Variants in DOC2A observed in about 807,000 individuals in gnomAD.
DOC2A encodes double C2 domain alpha, also known as double C2-like domain-containing protein alpha.
Under a neutral mutation model 40.6 loss-of-function variants are expected in DOC2A, and 28 were observed. That is an observed-to-expected ratio of 0.69 (90% confidence interval 0.51 to 0.95). DOC2A has a LOEUF of 0.95. Ranked by LOEUF, DOC2A falls within the 40% of genes least tolerant of loss-of-function variation. The pLI is 0.00. For missense variants in DOC2A, 474 were observed against 552.5 expected, an observed-to-expected ratio of 0.86 and a Z score of 1.42; for synonymous variants, 241 against 236.9, an observed-to-expected ratio of 1.02 and a Z score of -0.16.
At chr16:30,011,487 C>T (rs1188601886), upstream of DOC2A, 7 of 918,240 alleles carry the variant, frequency 7.6e-6, no homozygotes, top group African/African-American at 3.6e-5. Flanking sequence ...CCCTCCCTCC[C>T]GGGTCCCCAA....
chr16:30,010,935 G>C lies in DOC2A; in HGVS notation c.-46C>G. Reference sequence around the variant, plus strand: ...TCCAACAGGTGCCCAGGCACTGGGGGGACGGCGGGCGCAGGCTGGGCGGCG... The same window carrying C: ...TCCAACAGGTGCCCAGGCACTGGGGCGACGGCGGGCGCAGGCTGGGCGGCG... On this transcript the variant is annotated 5_prime_UTR_variant, in exon 1 of 11. Coordinates refer to ENST00000350119, the MANE Select transcript of DOC2A (RefSeq NM_003586.3). The surrounding 1 kb of genome is among the most constrained non-coding windows in gnomAD (Gnocchi z 4.2). 9.9e-7 allele frequency: 1 copy of C among 1,014,016 alleles called. No individual in the cohort carries two copies. The highest frequency in any genetic ancestry group is 1.2e-6 in the Non-Finnish European group (1 of 846,912). The allele number at this position is 1,014,016 out of a possible 1,614,324, so 62.8% of individuals were successfully genotyped here. A position where few individuals can be genotyped will look rare whatever the true frequency, so the allele number is the denominator to read the frequency against.
At position 30,005,631 on chromosome 16, in the gene DOC2A, C is replaced by T. The variant is rs2070551663; in HGVS notation, c.*555G>A. ...GGGTGGCAGGGGCCCTGCCTTCAAACCCCGGCCCCCTCCAGGGGACAGTTA... is the reference window on the plus strand; with the variant it reads ...GGGTGGCAGGGGCCCTGCCTTCAAATCCCGGCCCCCTCCAGGGGACAGTTA... On this transcript the variant is annotated 3_prime_UTR_variant, in exon 11 of 11. Transcript: ENST00000350119. 3.2e-6 allele frequency: 2 copies of T among 617,138 alleles called. No homozygotes were observed. The highest frequency in any genetic ancestry group is 2.0e-5 in the South Asian group (1 of 50,412). 38.2% of individuals were successfully genotyped at this position (617,138 alleles called of 1,614,324 possible).
chr16:30,010,314 C>T lies in DOC2A; in HGVS notation c.-13-79G>A. ...AGGGCCAGGCGACGGCCTCCTCGGT[C>T]TGTGGGGCCCTCACTGGCCTCCCTT... On this transcript the variant is annotated intron_variant, in intron 1 of 10. Coordinates refer to ENST00000350119, the MANE Select transcript of DOC2A (RefSeq NM_003586.3). The surrounding 1 kb of genome is among the most constrained non-coding windows in gnomAD (Gnocchi z 4.2). 6.3e-7 allele frequency: 1 copy of T among 1,578,720 alleles called. No individual in the cohort carries two copies. The highest frequency in any genetic ancestry group is 8.6e-7 in the Non-Finnish European group (1 of 1,160,484).
chr16:30,017,684 C>A (rs144040557), intron 1 of DOC2A, among the ~76,000 whole-genome samples: 23 of 152,044 alleles, frequency 1.5e-4, no homozygotes, highest in Middle Eastern at 6.8e-3. Flanking sequence ...TTGCCGGGTG[C>A]GGTGGCTCAT....
At chr16:30,013,906 G>T (rs943028653), upstream of DOC2A, among the ~76,000 whole-genome samples, 2 of 151,780 alleles carry the variant, frequency 1.3e-5, no homozygotes, top group Non-Finnish European at 2.9e-5. Context: ...TAGTAGAGAC[G>T]GTGTTTCACC....
chr16:30,013,222 A>C (rs2070813514), upstream of DOC2A, among the ~76,000 whole-genome samples: 1 of 142,772 alleles, frequency 7.0e-6, no homozygotes, highest in Non-Finnish European at 1.5e-5. Context: ...GGTCCCAGCT[A>C]CTCAAGAGGC....
chr16:30,005,752 T>G lies in DOC2A; in HGVS notation c.*434A>C. 1 of 482,454 alleles carries G rather than the reference T, an allele frequency of 2.1e-6. No individual in the cohort carries two copies. Among genetic ancestry groups the G allele is most frequent in the Non-Finnish European group, 3.7e-6 (1 of 272,640 alleles). 29.9% of individuals were successfully genotyped at this position (482,454 alleles called of 1,614,324 possible). On this transcript the variant is annotated 3_prime_UTR_variant, in exon 11 of 11. Transcript: ENST00000350119. Reference sequence around the variant, plus strand: ...AAAGGGCAGCTGTACAGGGCTAGGTTTTTTCAATGAAGTTTCTGTATTAAA... The same window carrying G: ...AAAGGGCAGCTGTACAGGGCTAGGTGTTTTCAATGAAGTTTCTGTATTAAA...
Position 30,006,811 on chromosome 16 carries a change from G to A in DOC2A, c.852C>T (p.Asn284=), listed in dbSNP as rs778728323. The change falls in exon 8 of 11, where the codon AAC becomes AAT. Residue 284 remains asparagine, a synonymous_variant. Coordinates refer to ENST00000350119, the MANE Select transcript of DOC2A (RefSeq NM_003586.3). The surrounding 1 kb of genome is among the most constrained non-coding windows in gnomAD (Gnocchi z 6.2). The part of the protein sequence containing the change: ...RCAHLAAMDV[N]GYSDPYVKTY... Reference sequence around the variant, plus strand: ...TCTTGACGTAGGGGTCCGAGTAACCGTTGACGTCCATGGCAGCCAGATGGG... The same window carrying A: ...TCTTGACGTAGGGGTCCGAGTAACCATTGACGTCCATGGCAGCCAGATGGG... 48 of 1,613,776 alleles carry A rather than the reference G, an allele frequency of 3.0e-5. No individual in the cohort carries two copies. Among genetic ancestry groups the A allele is most frequent in the Middle Eastern group, 3.3e-4 (2 of 6,062 alleles).
At chr16:30,016,420 A>G (rs992293509), upstream of DOC2A, among the ~76,000 whole-genome samples, 5 of 152,184 alleles carry the variant, frequency 3.3e-5, no homozygotes, top group Non-Finnish European at 7.3e-5. Flanking sequence ...AAGCAGGACG[A>G]AGGGAGACAC....
At chr16:30,023,097 A>G (rs369194279), upstream of DOC2A, 3 of 413,628 alleles carry the variant, frequency 7.3e-6, no homozygotes, top group Admixed American at 6.9e-5. Flanking sequence ...GGCTTTCAGC[A>G]AGATGGCCGT....
In DOC2A at chr16:30,006,358, G is replaced by T; in HGVS notation, c.1058-27C>A. ...TGGGGAGCAGGTGGGCAGGGTCAGG[G>T]CCACCTCCCTGCCACTTGCCCGCCC... On this transcript the variant is annotated intron_variant, in intron 10 of 10. Coordinates refer to ENST00000350119, the MANE Select transcript of DOC2A (RefSeq NM_003586.3). The surrounding 1 kb of genome is among the most constrained non-coding windows in gnomAD (Gnocchi z 6.2). The T allele has an allele frequency of 6.2e-7, 1 of 1,612,556 alleles. No individual in the cohort carries two copies.
In DOC2A at chr16:30,010,488, C is replaced by A; in HGVS notation, c.-13-253G>T. 1 of 585,670 alleles carries A rather than the reference C, an allele frequency of 1.7e-6. No individual in the cohort carries two copies. Among genetic ancestry groups the A allele is most frequent in the Admixed American group, 2.8e-5 (1 of 35,594 alleles). The allele number at this position is 585,670 out of a possible 1,614,324, so 36.3% of individuals were successfully genotyped here. On this transcript the variant is annotated intron_variant, in intron 1 of 10. Coordinates refer to ENST00000350119, the MANE Select transcript of DOC2A (RefSeq NM_003586.3). This position sits in a 1 kb window ranked among gnomAD's most constrained non-coding sequence, Gnocchi z 4.2. ...GTTGCACCACCCCGTCCTCACCCACCCACTTCTAGGTTGTCCCTGTATCAT... is the reference window on the plus strand; with the variant it reads ...GTTGCACCACCCCGTCCTCACCCACACACTTCTAGGTTGTCCCTGTATCAT...
upstream of DOC2A, among the ~76,000 whole-genome samples, chr16:30,011,982 C>T (rs531119095): frequency 1.3e-5 from 2 of 152,136 alleles, no homozygotes; most frequent in East Asian, 3.9e-4. Flanking sequence ...CTTGCCACCC[C>T]CAAGCCGCCC....
upstream of DOC2A, among the ~76,000 whole-genome samples, chr16:30,022,218 G>A (rs1344381491): frequency 8.9e-6 from 1 of 112,310 alleles, no homozygotes; most frequent in Non-Finnish European, 1.6e-5. Flanking sequence ...CTGCACTCCA[G>A]CCTGGCGGAC....
intron 5 of DOC2A, chr16:30,008,651 C>T (rs2070688537): frequency 9.5e-6 from 3 of 314,536 alleles, no homozygotes; most frequent in African/African-American, 2.2e-5. Context: ...TTTACAGGTA[C>T]ATGCCACCAC....
At chr16:30,013,475 C>CTATCTATCTAT (rs2070817829), upstream of DOC2A, 1 of 150,242 alleles carries the variant, frequency 6.7e-6, no homozygotes, top group Non-Finnish European at 1.5e-5. Context: ...ACCTTCTTAG[C>CTATCTATCTAT]CAAGATGGTC....
At position 30,009,997 on chromosome 16, in the gene DOC2A, C is replaced by A; in HGVS notation, c.226G>T (p.Gly76Cys). 1.2e-6 allele frequency: 2 copies of A among 1,612,006 alleles called. No homozygotes were observed. Among genetic ancestry groups the A allele is most frequent in the Non-Finnish European group, 1.7e-6 (2 of 1,179,836 alleles). ...ALLGATTPED[G>C]AEVDSYDSDD... ...GAGTCATAGCTGTCCACCTCCGCACCATCCTCAGGCGTGGTGGCCCCAAGG... is the reference window on the plus strand; with the variant it reads ...GAGTCATAGCTGTCCACCTCCGCACAATCCTCAGGCGTGGTGGCCCCAAGG... Residue 76 changes from glycine (G) to cysteine (C), a missense_variant, in exon 2 of 11, where the codon GGT (glycine) becomes TGT (cysteine). Transcript: ENST00000350119. This position sits in a 1 kb window ranked among gnomAD's most constrained non-coding sequence, Gnocchi z 4.1.
upstream of DOC2A, chr16:30,015,127 T>TA (rs971369364): frequency 1.3e-5 from 2 of 151,652 alleles, no homozygotes; most frequent in African/African-American, 2.4e-5. Flanking sequence ...AAAATAATAA[T>TA]AAAAAAATAA....
chr16:30,021,979 T>C (rs1464919517), upstream of DOC2A, among the ~76,000 whole-genome samples: 1 of 151,614 alleles, frequency 6.6e-6, no homozygotes, highest in East Asian at 1.9e-4. Context: ...CTGGGCTTGG[T>C]GGCTCACGCC....
Sources: gnomAD v4.1 joint callset for allele counts (sites outside exome capture counted in the v4.1 genomes callset) on GRCh38, gnomAD v4.1.1 for gene constraint, Gnocchi (gnomAD v3.1) non-coding constraint, MANE v1.5 for transcripts, NCBI Gene and HGNC (gene_info 2026-07-23, HGNC 2026-07-21) for gene names.